The following ST3GAL6 variants were observed in gnomAD, a reference collection of about 807,000 sequenced individuals.
ST3GAL6 encodes the protein ST3 beta-galactoside alpha-2,3-sialyltransferase 6, also known as type 2 lactosamine alpha-2,3-sialyltransferase.
Under a neutral mutation model 40.5 loss-of-function variants are expected in ST3GAL6, and 31 were observed. That is an observed-to-expected ratio of 0.77 (90% confidence interval 0.58 to 1.03). The LOEUF is 1.03. Ranked by LOEUF, ST3GAL6 falls within the 50% of genes least tolerant of loss-of-function variation. The pLI is 0.00. For missense variants in ST3GAL6, 357 were observed against 393.2 expected, an observed-to-expected ratio of 0.91 and a Z score of 0.78; for synonymous variants, 129 against 136.9, an observed-to-expected ratio of 0.94 and a Z score of 0.40.
chr3:98,753,226 G>A (rs963174961), intron 1 of ST3GAL6, among the ~76,000 whole-genome samples: 1 of 152,150 alleles, frequency 6.6e-6, no homozygotes, highest in African/African-American at 2.4e-5. Context: ...TTAGTGGTCT[G>A]AATAGAACAT....
rs1425915031 is a variant in ST3GAL6, at chr3:98,770,924, T to C, written c.135T>C (p.Cys45=). Residue 45 remains cysteine (C), a synonymous_variant, in exon 3 of 10, where the codon TGT becomes TGC. Transcript: ENST00000483910. ...AACGGAGAAATAAGATCCAGCCTTGTTTATCAAAGCCAGCTTTTGCCTCTC... is the reference window on the plus strand; with the variant it reads ...AACGGAGAAATAAGATCCAGCCTTGCTTATCAAAGCCAGCTTTTGCCTCTC... The part of the protein sequence containing the change: ...EMKRRNKIQP[C]LSKPAFASLL... 2 of 1,614,046 alleles carry C rather than the reference T, an allele frequency of 1.2e-6. No homozygotes were observed. The highest frequency in any genetic ancestry group is 1.7e-5 in the Admixed American group (1 of 60,002).
intron 5 of ST3GAL6, among the ~76,000 whole-genome samples, chr3:98,775,551 A>T (rs569135844): frequency 1.3e-5 from 2 of 152,072 alleles, no homozygotes; most frequent in South Asian, 2.1e-4. Flanking sequence ...TTGACTCCAT[A>T]CATGCAAGCT....
At chr3:98,742,446 C>T (rs1395722569) in intron 1 of ST3GAL6, among the ~76,000 whole-genome samples, 4 of 152,070 alleles carry the variant, frequency 2.6e-5, no homozygotes, top group Non-Finnish European at 5.9e-5. Context: ...CTATAACTTA[C>T]TTGAACTTTA....
At chr3:98,760,954 A>G (rs1015465419), upstream of ST3GAL6, among the ~76,000 whole-genome samples, 2 of 152,218 alleles carry the variant, frequency 1.3e-5, no homozygotes, top group Non-Finnish European at 2.9e-5. Flanking sequence ...ATGTTAATTG[A>G]CAGAAGTCAG....
intron 1 of ST3GAL6, among the ~76,000 whole-genome samples, chr3:98,739,657 G>C (rs541786869): frequency 6.6e-6 from 1 of 152,288 alleles, no homozygotes; most frequent in African/African-American, 2.4e-5. Context: ...AATGTATTAA[G>C]GGGTGGAGGA....
intron 9 of ST3GAL6, 41 bp downstream of exon 9, chr3:98,792,034 C>G: frequency 6.7e-7 from 1 of 1,490,476 alleles, no homozygotes; most frequent in Non-Finnish European, 9.0e-7. Flanking sequence ...ATGCTTTGGA[C>G]TAATCTTTGA....
At chr3:98,761,694 A>T (rs1937790734), upstream of ST3GAL6, among the ~76,000 whole-genome samples, 2 of 152,140 alleles carry the variant, frequency 1.3e-5, no homozygotes, top group Admixed American at 1.3e-4. Flanking sequence ...TATTAGCAGG[A>T]TGTTAATAAG....
rs1205126491 is a variant in ST3GAL6, at chr3:98,733,081, C to CTCGA, written c.-12+549_-12+550insTCGA. 3 of 1,370,948 alleles carry CTCGA rather than the reference C, an allele frequency of 2.2e-6. No homozygotes were observed. The African/African-American group carries it at 4.6e-5, about 21-fold the overall frequency. 84.9% of individuals were successfully genotyped at this position (1,370,948 alleles called of 1,614,324 possible). ...CCGGGCGGCCTGGGGTCTGTGCTGC[C>CTCGA]CCGACCCTCCGGCTTTGCAGCCTCT... On this transcript the variant is annotated intron_variant, in intron 1 of 9. Coordinates refer to the ST3GAL6 transcript ENST00000265261.
Position 98,784,971 on chromosome 3 carries a change from TTGGTAA to T in ST3GAL6, c.366_371del (p.Asn123_Gly124del), listed in dbSNP as rs753038539. 1 of 1,613,360 alleles carries T rather than the reference TTGGTAA, an allele frequency of 6.2e-7. No individual in the cohort carries two copies. Among genetic ancestry groups the T allele is most frequent in the South Asian group, 1.1e-5 (1 of 91,062 alleles). ...ATACCCTGTAAAAAGTGTGTGGTGG[TTGGTAA>T]TGGAGGAGTTTTGAAGAATAAGACA... On this transcript the variant is annotated inframe_deletion, in exon 6 of 10. Transcript: ENST00000483910.
chr3:98,793,206 G>A (rs989995066), intron 9 of ST3GAL6, among the ~76,000 whole-genome samples: 1 of 152,192 alleles, frequency 6.6e-6, no homozygotes, highest in African/African-American at 2.4e-5. Flanking sequence ...CATCTAAAGA[G>A]CAGAATATTA....
intron 6 of ST3GAL6, among the ~76,000 whole-genome samples, 196 bp from the exon 7 acceptor site, chr3:98,787,840 T>A (rs777395934): frequency 5.3e-5 from 8 of 152,264 alleles, no homozygotes; most frequent in Admixed American, 1.3e-4. Context: ...ATTTCTGCCT[T>A]TGATCAACCA....
At chr3:98,744,187 A>G (rs979179550) in intron 1 of ST3GAL6, among the ~76,000 whole-genome samples, 6 of 152,196 alleles carry the variant, frequency 3.9e-5, no homozygotes, top group African/African-American at 1.4e-4. Flanking sequence ...TCCTCTCTAC[A>G]GTTTTCAGAG....
At chr3:98,774,258 T>G (rs1040416104) in intron 5 of ST3GAL6, among the ~76,000 whole-genome samples, 2 of 152,204 alleles carry the variant, frequency 1.3e-5, no homozygotes, top group Non-Finnish European at 2.9e-5. Flanking sequence ...TTTTTCTAAG[T>G]TGTTCCTACT....
intron 2 of ST3GAL6, chr3:98,770,504 T>C: frequency 5.4e-6 from 1 of 186,382 alleles, no homozygotes; most frequent in South Asian, 1.1e-4. Flanking sequence ...AGGAGGTAAA[T>C]AGCCACGTGC....
intron 9 of ST3GAL6, among the ~76,000 whole-genome samples, chr3:98,792,903 G>C (rs1298041890): frequency 6.6e-6 from 1 of 151,976 alleles, no homozygotes; most frequent in Non-Finnish European, 1.5e-5. Flanking sequence ...CAAGTGATGG[G>C]ATTAAAATGT....
At chr3:98,792,107 G>T (rs1389177828) in intron 9 of ST3GAL6, 114 bp downstream of exon 9, 31 of 1,047,468 alleles carry the variant, frequency 3.0e-5, no homozygotes, top group Non-Finnish European at 3.8e-5. Context: ...CGTTTTGAAG[G>T]GTTGAGGGCT....
chr3:98,782,717 G>T, intron 5 of ST3GAL6: 1 of 468,318 alleles, frequency 2.1e-6, no homozygotes. Context: ...CAGGGAGGAG[G>T]CCAATGGCGT....
At position 98,755,335 on chromosome 3, in the gene ST3GAL6, C is replaced by T. The variant is rs1032247978; in HGVS notation, c.-11-13095C>T. ...TGCTGGGATTACAGGTGTGAGCCAC[C>T]GCGCCCGGCCTGAACTTATATACTA... On this transcript the variant is annotated intron_variant, in intron 1 of 9. Transcript: ENST00000265261. Among the ~76,000 whole-genome samples the T allele has an allele frequency of 4.6e-5, 7 of 152,224 alleles. No individual in the cohort carries two copies. In the South Asian group the frequency reaches 1.0e-3, roughly 23 times the overall value.
exon 1 of ST3GAL6, chr3:98,732,400 T>C (rs1291646692): frequency 6.5e-6 from 1 of 154,540 alleles, no homozygotes; most frequent in Non-Finnish European, 1.4e-5. Flanking sequence ...GAGTGTCTTC[T>C]TGGCTGTGGA....
Sources: allele counts gnomAD v4.1 joint callset (sites outside exome capture counted in the v4.1 genomes callset), GRCh38; gene constraint gnomAD v4.1.1; transcripts MANE v1.5; gene names NCBI Gene and HGNC (gene_info 2026-07-23, HGNC 2026-07-21).